MGRN1: variants seen among roughly 807,000 people sequenced by gnomAD.
MGRN1 encodes mahogunin ring finger 1.
Under a neutral mutation model 69.2 loss-of-function variants are expected in MGRN1, and 29 were observed. That is an observed-to-expected ratio of 0.42 (90% CI 0.31 to 0.57). MGRN1 has a LOEUF of 0.57. MGRN1 is among the 20% of genes least tolerant of loss of function. The pLI is 0.15. For missense variants in MGRN1, 998 were observed against 796.2 expected (o/e 1.25, Z -3.05); for synonymous variants, 470 against 344.2 (o/e 1.37, Z -4.04).
intron 16 of MGRN1, chr16:4,688,205 C>G: frequency 1.0e-6 from 1 of 985,636 alleles, no homozygotes. Flanking sequence ...GTCCCAGGCT[C>G]TGCACCAGCA....
intron 1 of MGRN1, among the ~76,000 whole-genome samples, chr16:4,646,936 A>G (rs2078287188): frequency 6.6e-6 from 1 of 152,188 alleles, no homozygotes. Flanking sequence ...GGCAGGGACA[A>G]GCCCGCTCCT....
At chr16:4,642,927 C>G (rs1008064228) in intron 1 of MGRN1, among the ~76,000 whole-genome samples, 3 of 151,836 alleles carry the variant, frequency 2.0e-5, no homozygotes, top group African/African-American at 7.3e-5. Flanking sequence ...CCTTGGACTG[C>G]AAGTACGCAT....
intron 5 of MGRN1, among the ~76,000 whole-genome samples, chr16:4,661,046 A>G (rs2078668228): frequency 6.6e-6 from 1 of 152,102 alleles, no homozygotes. Flanking sequence ...CAGTGGCACA[A>G]TCACAGCTTG....
intron 1 of MGRN1, among the ~76,000 whole-genome samples, chr16:4,644,263 T>G (rs2078227158): frequency 6.8e-6 from 1 of 146,762 alleles, no homozygotes; most frequent in East Asian, 2.0e-4. Context: ...AAGTGCTGGG[T>G]TTACAGGTGT....
At chr16:4,686,589 G>A (rs1197319430) in intron 16 of MGRN1, 2 of 1,258,292 alleles carry the variant, frequency 1.6e-6, no homozygotes, top group Non-Finnish European at 1.0e-6. Context: ...CCCTGGAACA[G>A]TCCCAGCCCA....
At position 4,639,282 on chromosome 16, in the gene MGRN1, C is replaced by T. The variant is rs1032796776; in HGVS notation, c.89-11083C>T. Among the ~76,000 whole-genome samples the T allele has an allele frequency of 1.1e-4, 17 of 152,110 alleles. 1 individual carries two copies. Among genetic ancestry groups the T allele is most frequent in the Admixed American group, 5.2e-4 (8 of 15,278 alleles). On this transcript the variant is annotated intron_variant, in intron 1 of 16. Transcript: ENST00000262370. Reference sequence around the variant, plus strand: ...AGTGACACTATGAGGAGAATGGCGGCGGGAGCGTTGACCACGAGCTGGCAG... The same window carrying T: ...AGTGACACTATGAGGAGAATGGCGGTGGGAGCGTTGACCACGAGCTGGCAG...
rs747794897 is a variant in MGRN1, at chr16:4,681,759, G to C, written c.1341G>C (p.Gln447His). 2.5e-6 allele frequency: 4 copies of C among 1,611,932 alleles called. No homozygotes were observed. The highest frequency in any genetic ancestry group is 2.2e-5 in the South Asian group (2 of 90,988). The part of the protein sequence containing the change: ...LDSSRQKGRP[Q>H]SKAPDSTLRS... Reference sequence around the variant, plus strand: ...GCAGCCGCCAGAAGGGCAGGCCGCAGAGCAAGGCCCCCGACAGGTGAGCAG... The same window carrying C: ...GCAGCCGCCAGAAGGGCAGGCCGCACAGCAAGGCCCCCGACAGGTGAGCAG... Residue 447 changes from glutamine to histidine, a missense_variant, in exon 13 of 17, where the codon CAG (glutamine) becomes CAC (histidine). Physicochemically the swap from Gln to His is conservative, Grantham distance 24 (BLOSUM62 0). Coordinates refer to ENST00000262370, the MANE Select transcript of MGRN1 (RefSeq NM_015246.4).
At chr16:4,671,188 C>G (rs553720864) in intron 8 of MGRN1, 1 of 599,048 alleles carries the variant, frequency 1.7e-6, no homozygotes. Flanking sequence ...GCCACCGGCT[C>G]CAGCCCTGTT....
intron 1 of MGRN1, among the ~76,000 whole-genome samples, chr16:4,641,594 C>G (rs2078158911): frequency 6.6e-6 from 1 of 151,442 alleles, no homozygotes; most frequent in South Asian, 2.1e-4. Context: ...TCTCGGCTGA[C>G]CGCAACCTCT....
intron 1 of MGRN1, among the ~76,000 whole-genome samples, chr16:4,628,055 A>G (rs1365154488): frequency 1.2e-4 from 15 of 123,342 alleles, no homozygotes; most frequent in East Asian, 8.3e-4. Flanking sequence ...ACTCCAGCCT[A>G]GGTGTCAGAG....
intron 7 of MGRN1, 127 bp from the exon 8 acceptor site, chr16:4,668,138 T>A (rs1298822634): frequency 6.4e-6 from 4 of 628,484 alleles, no homozygotes; most frequent in Middle Eastern, 3.8e-4. Flanking sequence ...TTTTTTTTTT[T>A]CTTTTTTCTT....
intron 1 of MGRN1, among the ~76,000 whole-genome samples, chr16:4,630,103 G>A (rs1307652542): frequency 6.9e-6 from 1 of 145,618 alleles, no homozygotes; most frequent in African/African-American, 2.6e-5. Context: ...TGTAATCCTA[G>A]CACTTTGGGA....
chr16:4,662,505 G>GT (rs769385572), intron 5 of MGRN1, among the ~76,000 whole-genome samples: 2 of 149,840 alleles, frequency 1.3e-5, no homozygotes, highest in Non-Finnish European at 3.0e-5. Flanking sequence ...AACAGATCAA[G>GT]ACTCTGTCTC....
chr16:4,639,848 G>A (rs1348801370), intron 1 of MGRN1: 1 of 152,206 alleles, frequency 6.6e-6, no homozygotes, highest in African/African-American at 2.4e-5. Flanking sequence ...CCTGAAAACT[G>A]TGAGCGTGGA....
intron 8 of MGRN1, 186 bp from the exon 9 acceptor site, chr16:4,671,205 G>C: frequency 1.6e-6 from 1 of 611,384 alleles, no homozygotes; most frequent in Non-Finnish European, 2.9e-6. Context: ...TGTTCCAGGT[G>C]CTGCTGGTTG....
chr16:4,652,961 G>T, intron 4 of MGRN1, 137 bp downstream of exon 4: 1 of 1,194,704 alleles, frequency 8.4e-7, no homozygotes, highest in South Asian at 1.8e-5. Context: ...TTACCACGAT[G>T]TGAGGGGTTT....
chr16:4,668,371 T>A, intron 8 of MGRN1, 59 bp downstream of exon 8: 4 of 1,570,094 alleles, frequency 2.5e-6, no homozygotes, highest in Non-Finnish European at 3.5e-6. Context: ...ATACAATCAC[T>A]CACACGCATA....
chr16:4,668,846 TCA>T (rs967329498), intron 8 of MGRN1, among the ~76,000 whole-genome samples: 1 of 151,118 alleles, frequency 6.6e-6, no homozygotes, highest in Admixed American at 6.6e-5. Flanking sequence ...ACACATATAC[TCA>T]CACACATAAA....
intron 16 of MGRN1, 72 bp downstream of exon 16, chr16:4,684,004 G>C (rs2079249962): frequency 2.3e-6 from 3 of 1,326,464 alleles, no homozygotes; most frequent in Non-Finnish European, 3.1e-6. Context: ...GCCCTGCTCT[G>C]ATGGTCGGTG....
Sources: gnomAD v4.1 joint callset for allele counts (sites outside exome capture counted in the v4.1 genomes callset) on GRCh38, gnomAD v4.1.1 for gene constraint, MANE v1.5 for transcripts, NCBI Gene and HGNC (gene_info 2026-07-23, HGNC 2026-07-21) for gene names.